UBE2O: variants seen among roughly 807,000 people sequenced by gnomAD.
UBE2O encodes the protein ubiquitin conjugating enzyme E2 O.
Under a neutral mutation model 125.8 loss-of-function variants are expected in UBE2O, and 15 were observed. The ratio of observed to expected loss-of-function variants is 0.12; its 90% CI spans 0.08 to 0.18. The LOEUF (loss-of-function observed/expected upper bound fraction) is 0.18, where lower values mean the gene tolerates loss of function less well. Among genes scored for constraint, UBE2O ranks in the 10% least tolerant of loss-of-function variants. The probability of loss-of-function intolerance (pLI) is 1.00; values close to 1 mark genes in which losing one functional copy is unlikely to be tolerated. For synonymous variants in UBE2O, 708 were observed against 703.2 expected, an observed-to-expected ratio of 1.01 and a Z score of -0.11; for missense variants, 1,280 against 1,723.6, an observed-to-expected ratio of 0.74 and a Z score of 4.56.
Position 76,390,694 on chromosome 17 carries a change from A to T in UBE2O, c.*249T>A. The T allele has an allele frequency of 2.4e-6, 1 of 411,616 alleles. No individual in the cohort carries two copies. The highest frequency in any genetic ancestry group is 6.4e-4 in the Middle Eastern group (1 of 1,562). 25.5% of individuals were successfully genotyped at this position (411,616 alleles called of 1,614,324 possible). ...ACATTCTGCTGGGGTGACAAATGGAAAATCGGCAACAGGGTTCCGATTTTC... is the reference window on the plus strand; with the variant it reads ...ACATTCTGCTGGGGTGACAAATGGATAATCGGCAACAGGGTTCCGATTTTC... On this transcript the variant is annotated 3_prime_UTR_variant, in exon 18 of 18. Transcript: ENST00000319380.
chr17:76,415,795 CTGTGTGTGTGTGTGTGTG>C (rs34127040), intron 1 of UBE2O, among the ~76,000 whole-genome samples: 1 of 143,200 alleles, frequency 7.0e-6, no homozygotes, highest in African/African-American at 2.6e-5. Flanking sequence ...CAGAGCAAGA[CTGTGTGTGTGTGTGTGTG>C]TGTGTGTGTG....
rs56702273 is a variant in UBE2O at position 76,436,824 on chromosome 17, G to A, written c.417+15901C>T. Among the ~76,000 whole-genome samples the A allele has an allele frequency of 1.6e-3, 245 of 152,304 alleles. 4 individuals carry two copies. The East Asian group carries it at 0.043, about 26-fold the overall frequency. On this transcript the variant is annotated intron_variant, in intron 1 of 17. Coordinates refer to ENST00000319380, the MANE Select transcript of UBE2O (RefSeq NM_022066.4). Reference sequence around the variant, plus strand: ...AAATGGGGATTAGTGAAAGATCAACGAGGAGCATTTATTTCAACATTTAAA... The same window carrying A: ...AAATGGGGATTAGTGAAAGATCAACAAGGAGCATTTATTTCAACATTTAAA...
In UBE2O at chr17:76,396,327, A is replaced by G. The variant is rs753162146; in HGVS notation, c.2610T>C (p.Asn870=). 68 of 1,614,008 alleles carry G rather than the reference A, an allele frequency of 4.2e-5. No individual in the cohort carries two copies. In the Middle Eastern group the frequency reaches 6.6e-4, roughly 16 times the overall value. ...TCTTCTCCTCCTCTACAATGGCCAC[A>G]TTGTCCAGGGTCTTCTTGAGGTTTT... ...LQENLKKTLD[N]VAIVEEEKME... Residue 870 remains asparagine, a synonymous_variant, in exon 14 of 18, where the codon AAT becomes AAC. Transcript: ENST00000319380. The surrounding 1 kb of genome is among the most constrained non-coding windows in gnomAD (Gnocchi z 6.7).
chr17:76,395,953 C>T lies in UBE2O; in HGVS notation c.2810-92G>A. 6.4e-7 allele frequency: 1 copy of T among 1,574,254 alleles called. No individual in the cohort carries two copies. The highest frequency in any genetic ancestry group is 8.7e-7 in the Non-Finnish European group (1 of 1,155,676). ...CTGGACAGGTGAGCACACCCACAGA[C>T]TTCCCACTCGCCGCTGCTGGCCTCA... On this transcript the variant is annotated intron_variant, in intron 14 of 17. Transcript: ENST00000319380. This position sits in a 1 kb window ranked among gnomAD's most constrained non-coding sequence, Gnocchi z 5.0.
chr17:76,403,644 A>C (rs1370705116), intron 3 of UBE2O, among the ~76,000 whole-genome samples: 1 of 152,186 alleles, frequency 6.6e-6, no homozygotes, highest in African/African-American at 2.4e-5. Flanking sequence ...GTGTATACAT[A>C]TAATACATAT....
chr17:76,398,875 T>C lies in UBE2O; in HGVS notation c.1745A>G (p.Asn582Ser), dbSNP rs2072264147. Residue 582 changes from asparagine (N) to serine (S), a missense_variant, in exon 10 of 18, where the codon AAC (asparagine) becomes AGC (serine). Transcript: ENST00000319380. The surrounding 1 kb of genome is among the most constrained non-coding windows in gnomAD (Gnocchi z 5.4). ...CACGAAGTCTCCAGGGCAGAACTCG[T>C]TGTTGTCCAGGTGGTGCACAGGGAA... Reference protein sequence around the residue: ...DLFPVHHLDNNEFCPGDFVVD... With the variant: ...DLFPVHHLDNSEFCPGDFVVD... 4 of 1,613,996 alleles carry C rather than the reference T, an allele frequency of 2.5e-6. No individual in the cohort carries two copies. Among genetic ancestry groups the C allele is most frequent in the Admixed American group, 3.3e-5 (2 of 59,998 alleles).
intron 1 of UBE2O, chr17:76,430,578 A>G: frequency 3.6e-6 from 1 of 280,168 alleles, no homozygotes; most frequent in Non-Finnish European, 7.3e-6. Context: ...GATGCAGATG[A>G]TGCCATATTG....
chr17:76,402,539 C>T lies in UBE2O; in HGVS notation c.686+63G>A. The T allele has an allele frequency of 7.1e-7, 1 of 1,411,342 alleles. No individual in the cohort carries two copies. The highest frequency in any genetic ancestry group is 1.7e-5 in the Admixed American group (1 of 59,612). The allele number at this position is 1,411,342 out of a possible 1,614,324, so 87.4% of individuals were successfully genotyped here. A position where few individuals can be genotyped will look rare whatever the true frequency, so the allele number is the denominator to read the frequency against. On this transcript the variant is annotated intron_variant, in intron 4 of 17. Coordinates refer to ENST00000319380, the MANE Select transcript of UBE2O (RefSeq NM_022066.4). The surrounding 1 kb of genome is among the most constrained non-coding windows in gnomAD (Gnocchi z 5.4). Reference sequence around the variant, plus strand: ...TGTCCCCAGGAGGAAACACCCTCCTCCTCCCCTCTTTCCAAGAGGCTATCC... The same window carrying T: ...TGTCCCCAGGAGGAAACACCCTCCTTCTCCCCTCTTTCCAAGAGGCTATCC...
At position 76,398,477 on chromosome 17, in the gene UBE2O, C is replaced by T. The variant is rs1221393801; in HGVS notation, c.1891G>A (p.Val631Met). ...GCAGTAGGGGCTGCACACACCTCCA[C>T]GTCGTCCCCACTCGGCCTCAGCTTG... ...WFKLRPSGDD[V>M]ELIGEEEDVS... The change falls in exon 11 of 18, where the codon GTG becomes ATG. Residue 631 changes from valine to methionine, a missense_variant. This residue lies in a region of UBE2O where 145 missense variants were observed against 219.6 expected (regional missense o/e 0.66). Transcript: ENST00000319380. This position sits in a 1 kb window ranked among gnomAD's most constrained non-coding sequence, Gnocchi z 5.4. The T allele has an allele frequency of 1.9e-6, 3 of 1,614,044 alleles. No individual in the cohort carries two copies. The highest frequency in any genetic ancestry group is 2.5e-6 in the Non-Finnish European group (3 of 1,180,024).
chr17:76,440,609 T>C (rs888376117), intron 1 of UBE2O, among the ~76,000 whole-genome samples: 1 of 152,256 alleles, frequency 6.6e-6, no homozygotes, highest in Non-Finnish European at 1.5e-5. Flanking sequence ...ATTATAGCCA[T>C]GAGCCACCAT....
At chr17:76,424,874 T>A (rs1217456422) in intron 1 of UBE2O, among the ~76,000 whole-genome samples, 4 of 150,754 alleles carry the variant, frequency 2.7e-5, no homozygotes, top group South Asian at 2.1e-4. Context: ...TTTTTTATTT[T>A]TTTTTTTTGA....
In UBE2O at chr17:76,398,749, C is replaced by T; in HGVS notation, c.1783+88G>A. 6.5e-7 allele frequency: 1 copy of T among 1,547,392 alleles called. No homozygotes were observed. The highest frequency in any genetic ancestry group is 1.2e-5 in the South Asian group (1 of 83,002). ...TCTGGACCTCATTTTAGCTCTGACC[C>T]CAGATCCACTGCCCATTCTCCACAA... is the stretch of plus-strand genomic sequence containing the variant. On this transcript the variant is annotated intron_variant, in intron 10 of 17. Transcript: ENST00000319380. This position sits in a 1 kb window ranked among gnomAD's most constrained non-coding sequence, Gnocchi z 5.4.
Position 76,396,495 on chromosome 17 carries a change from C to T in UBE2O, c.2442G>A (p.Leu814=). Reference sequence around the variant, plus strand: ...TCTCCAGGATCTTGATGGCCTCTTTCAACTCCCGGAAGCTCTTGGGTGGCC... The same window carrying T: ...TCTCCAGGATCTTGATGGCCTCTTTTAACTCCCGGAAGCTCTTGGGTGGCC... The part of the protein sequence containing the change: ...KDGPPKSFRE[L]KEAIKILESL... Residue 814 remains leucine (L), a synonymous_variant, in exon 14 of 18, where the codon TTG becomes TTA. Coordinates refer to ENST00000319380, the MANE Select transcript of UBE2O (RefSeq NM_022066.4). This position sits in a 1 kb window ranked among gnomAD's most constrained non-coding sequence, Gnocchi z 6.7. The T allele has an allele frequency of 6.2e-7, 1 of 1,613,950 alleles. No individual in the cohort carries two copies. Among genetic ancestry groups the T allele is most frequent in the Non-Finnish European group, 8.5e-7 (1 of 1,179,962 alleles).
intron 1 of UBE2O, among the ~76,000 whole-genome samples, chr17:76,450,040 C>T (rs1475897159): frequency 6.6e-6 from 1 of 150,486 alleles, no homozygotes; most frequent in Non-Finnish European, 1.5e-5. Flanking sequence ...ACCTGAGTAA[C>T]AGTGAGACCC....
intron 15 of UBE2O, among the ~76,000 whole-genome samples, chr17:76,392,531 C>T (rs1208114563): frequency 6.6e-6 from 1 of 152,108 alleles, no homozygotes; most frequent in Non-Finnish European, 1.5e-5. Context: ...TCCCAAAGTG[C>T]TGGGTTTACA....
intron 1 of UBE2O, among the ~76,000 whole-genome samples, chr17:76,409,235 T>C (rs2143749151): frequency 6.6e-6 from 1 of 152,296 alleles, no homozygotes; most frequent in East Asian, 1.9e-4. Flanking sequence ...CCCAAAGTGC[T>C]GGGATTACAG....
In UBE2O at chr17:76,452,183, G is replaced by A. The variant is rs538938203; in HGVS notation, c.417+542C>T. 8.5e-5 allele frequency among the ~76,000 whole-genome samples: 13 copies of A among 152,182 alleles called. No individual in the cohort carries two copies. Among genetic ancestry groups the A allele is most frequent in the African/African-American group, 2.9e-4 (12 of 41,508 alleles). On this transcript the variant is annotated intron_variant, in intron 1 of 17. Coordinates refer to ENST00000319380, the MANE Select transcript of UBE2O (RefSeq NM_022066.4). This position sits in a 1 kb window ranked among gnomAD's most constrained non-coding sequence, Gnocchi z 4.4. ...TGCAGCAATTAAAAGGAGGCAGCAG[G>A]GTAAAACAAAAAGAGGCTGGGTGGC...
Position 76,389,678 on chromosome 17 carries a change from C to T in UBE2O, c.*1265G>A, listed in dbSNP as rs2072068352. The T allele has an allele frequency of 6.6e-6, 1 of 152,272 alleles. No homozygotes were observed. The highest frequency in any genetic ancestry group is 6.5e-5 in the Admixed American group (1 of 15,284). The allele number at this position is 152,272 out of a possible 1,614,324, so 9.4% of individuals were successfully genotyped here. ...TCTCAAACAAGATACCGACTCGGTT[C>T]CAAATGCCACGGTGTGTGGTCCGGC... On this transcript the variant is annotated 3_prime_UTR_variant, in exon 18 of 18. Transcript: ENST00000319380.
rs547490181 is a variant in UBE2O, at chr17:76,395,155, C to A, written c.2946+570G>T. Reference sequence around the variant, plus strand: ...CTTCCCGAAGTGCTGGGATTACAGTCGTGAGCCACCGCACCCGGCCTATTT... The same window carrying A: ...CTTCCCGAAGTGCTGGGATTACAGTAGTGAGCCACCGCACCCGGCCTATTT... On this transcript the variant is annotated intron_variant, in intron 15 of 17. Transcript: ENST00000319380. The surrounding 1 kb of genome is among the most constrained non-coding windows in gnomAD (Gnocchi z 5.0). 1.2e-4 allele frequency among the ~76,000 whole-genome samples: 18 copies of A among 151,152 alleles called. No individual in the cohort carries two copies. Among genetic ancestry groups the A allele is most frequent in the African/African-American group, 4.4e-4 (18 of 41,102 alleles).
Sources: gnomAD v4.1 joint callset for allele counts (sites outside exome capture counted in the v4.1 genomes callset) on GRCh38, gnomAD v4.1.1 for gene constraint, gnomAD v4.1.1 regional missense constraint, Gnocchi (gnomAD v3.1) non-coding constraint, MANE v1.5 for transcripts, NCBI Gene and HGNC (gene_info 2026-07-23, HGNC 2026-07-21) for gene names.